The following REDIC1 variants were observed in gnomAD, a reference collection of about 807,000 sequenced individuals.
The protein encoded by REDIC1 is HEI10 Interacting Protein 1.
the REDIC1 span, among the ~76,000 whole-genome samples, chr12:39,730,382 G>T: frequency 3.3e-5 from 5 of 152,144 alleles, no homozygotes; most frequent in South Asian, 2.1e-4. Flanking sequence ...GCATTTGCTT[G>T]TCTCTAAAGG....
At chr12:39,652,466 C>G in the REDIC1 span, among the ~76,000 whole-genome samples, 1 of 152,056 alleles carries the variant, frequency 6.6e-6, no homozygotes, top group African/African-American at 2.4e-5. Flanking sequence ...TTTTAATTTG[C>G]ATTTCTCTAA....
chr12:39,656,838 T>C, the REDIC1 span, among the ~76,000 whole-genome samples: 5 of 152,022 alleles, frequency 3.3e-5, no homozygotes, highest in African/African-American at 4.8e-5. Context: ...AATTTAAAAA[T>C]AGAAAAAAGC....
chr12:39,760,011 A>C, the REDIC1 span: 3 of 1,596,694 alleles, frequency 1.9e-6, no homozygotes, highest in Non-Finnish European at 2.6e-6. Flanking sequence ...AACTAAATAT[A>C]TGAGCAGCTG....
the REDIC1 span, among the ~76,000 whole-genome samples, chr12:39,711,768 T>G: frequency 1.5e-5 from 2 of 135,514 alleles, no homozygotes; most frequent in African/African-American, 2.7e-5. Flanking sequence ...TGTATGTGTG[T>G]GTGCACATGC....
At chr12:39,846,296 C>A in the REDIC1 span, among the ~76,000 whole-genome samples, 2 of 152,120 alleles carry the variant, frequency 1.3e-5, no homozygotes, top group Non-Finnish European at 2.9e-5. Flanking sequence ...GGGTACATTA[C>A]ACCCTCCCTT....
chr12:39,638,203 C>T, the REDIC1 span, among the ~76,000 whole-genome samples: 1 of 151,992 alleles, frequency 6.6e-6, no homozygotes, highest in Non-Finnish European at 1.5e-5. Flanking sequence ...GGTGTTCTTG[C>T]CTTGTACATT....
chr12:39,669,174 C>G, the REDIC1 span, among the ~76,000 whole-genome samples: 2 of 152,242 alleles, frequency 1.3e-5, no homozygotes, highest in South Asian at 4.1e-4. Context: ...TTTTCCCCAT[C>G]TTTGTGGTTT....
chr12:39,782,113 A>G, the REDIC1 span, among the ~76,000 whole-genome samples: 1 of 152,210 alleles, frequency 6.6e-6, no homozygotes. Flanking sequence ...GGACATAAAG[A>G]CAAAAATCTT....
At chr12:39,775,392 G>A in the REDIC1 span, among the ~76,000 whole-genome samples, 14 of 152,186 alleles carry the variant, frequency 9.2e-5, no homozygotes, top group Admixed American at 8.5e-4. Flanking sequence ...ATGTGGATGT[G>A]GCCTACTTCT....
chr12:39,677,403 A>T, the REDIC1 span, among the ~76,000 whole-genome samples: 2 of 152,184 alleles, frequency 1.3e-5, no homozygotes, highest in African/African-American at 2.4e-5. Flanking sequence ...TCACAATCCT[A>T]AATACATATG....
the REDIC1 span, among the ~76,000 whole-genome samples, chr12:39,706,127 C>T: frequency 6.6e-6 from 1 of 151,922 alleles, no homozygotes; most frequent in African/African-American, 2.4e-5. Flanking sequence ...TTGCAGCAGG[C>T]AAAATCAACA....
the REDIC1 span, among the ~76,000 whole-genome samples, chr12:39,711,545 A>G: frequency 1.1e-5 from 1 of 89,368 alleles, no homozygotes; most frequent in Non-Finnish European, 2.4e-5. Context: ...ACATATATGT[A>G]TGTGCATACA....
the REDIC1 span, among the ~76,000 whole-genome samples, chr12:39,697,537 A>T: frequency 6.6e-6 from 1 of 152,216 alleles, no homozygotes; most frequent in Non-Finnish European, 1.5e-5. Context: ...AGTCAAAAAT[A>T]ATAACTATAT....
chr12:39,894,046 G>A, the REDIC1 span, among the ~76,000 whole-genome samples: 1 of 152,170 alleles, frequency 6.6e-6, no homozygotes, highest in Non-Finnish European at 1.5e-5. Flanking sequence ...TTGATAGGCA[G>A]TTAGTACATT....
chr12:39,808,690 A>G, the REDIC1 span, among the ~76,000 whole-genome samples: 786 of 152,254 alleles, frequency 5.2e-3, 8 homozygotes, highest in East Asian at 0.024. Context: ...AATGTTGAAC[A>G]TTATATCTAT....
chr12:39,654,828 A>C, the REDIC1 span, among the ~76,000 whole-genome samples: 1 of 152,152 alleles, frequency 6.6e-6, no homozygotes, highest in East Asian at 1.9e-4. Context: ...TTCTTTTCTA[A>C]GTTTTTCTTA....
At chr12:39,890,564 C>T in the REDIC1 span, among the ~76,000 whole-genome samples, 22 of 152,128 alleles carry the variant, frequency 1.4e-4, no homozygotes, top group Non-Finnish European at 2.9e-4. Flanking sequence ...TATCTGACCT[C>T]TGTCAGATTT....
chr12:39,824,435 C>T, the REDIC1 span, among the ~76,000 whole-genome samples: 9 of 152,202 alleles, frequency 5.9e-5, no homozygotes, highest in Non-Finnish European at 1.2e-4. Context: ...AAGAGGGTCT[C>T]CATCTGGAGA....
At chr12:39,746,999 A>C in the REDIC1 span, among the ~76,000 whole-genome samples, 2 of 152,222 alleles carry the variant, frequency 1.3e-5, no homozygotes, top group African/African-American at 4.8e-5. Context: ...AAAAGCTGAA[A>C]ATTCTAAAAA....
Sources: gnomAD v4.1 joint callset for allele counts (sites outside exome capture counted in the v4.1 genomes callset) on GRCh38, gnomAD v4.1.1 for gene constraint, MANE v1.5 for transcripts, NCBI Gene and HGNC (gene_info 2026-07-23, HGNC 2026-07-21) for gene names.